The following EPN3 variants were observed in gnomAD, a reference collection of about 807,000 sequenced individuals.
EPN3 encodes the protein epsin 3.
Under a neutral mutation model 55.5 loss-of-function variants are expected in EPN3, and 56 were observed. The ratio of observed to expected loss-of-function variants is 1.01; its 90% CI spans 0.81 to 1.26. The LOEUF (loss-of-function observed/expected upper bound fraction) is 1.26. Among genes scored for constraint, EPN3 ranks in the 50% most tolerant of loss-of-function variants. The probability of loss-of-function intolerance (pLI) is 0.00; values close to 1 mark genes in which losing one functional copy is unlikely to be tolerated. For synonymous variants in EPN3, 449 were observed against 375.2 expected, an observed-to-expected ratio of 1.20 and a Z score of -2.27; for missense variants, 927 against 853.4, an observed-to-expected ratio of 1.09 and a Z score of -1.07.
intron 1 of EPN3, among the ~76,000 whole-genome samples, chr17:50,534,978 T>C (rs543683212): frequency 1.4e-4 from 21 of 152,100 alleles, no homozygotes; most frequent in African/African-American, 2.4e-4. Context: ...TGTGTGTGCA[T>C]GCACACACCA....
chr17:50,541,229 G>C lies in EPN3; in HGVS notation c.1250G>C (p.Gly417Ala). Reference sequence around the variant, plus strand: ...CTCCTCTTCCTCTCTCTCTTCCGAGGTGGTGCCTCGACCTTTGACCCATTT... The same window carrying C: ...CTCCTCTTCCTCTCTCTCTTCCGAGCTGGTGCCTCGACCTTTGACCCATTT... ...GASLETSDTP[G>A]GASTFDPFAK... The change falls in exon 8 of 10, where the codon GGT (glycine) becomes GCT (alanine). Residue 417 changes from glycine to alanine, a missense_variant and splice_region_variant. By Grantham distance (60) the Gly-to-Ala change is moderately conservative (BLOSUM62 0). Transcript: ENST00000268933. 13 of 1,613,724 alleles carry C rather than the reference G, an allele frequency of 8.1e-6. No homozygotes were observed. Among genetic ancestry groups the C allele is most frequent in the Non-Finnish European group, 1.1e-5 (13 of 1,180,022 alleles).
At chr17:50,538,313 A>T in intron 3 of EPN3, 116 bp downstream of exon 3, 1 of 760,068 alleles carries the variant, frequency 1.3e-6, no homozygotes, top group South Asian at 1.7e-5. Flanking sequence ...TCCTGTGCCC[A>T]AGGACAGCAC....
intron 1 of EPN3, 30 bp from the exon 2 acceptor site, chr17:50,536,391 C>T (rs1434505117): frequency 6.9e-7 from 1 of 1,450,782 alleles, no homozygotes; most frequent in Non-Finnish European, 9.0e-7. Flanking sequence ...TAGGCCTCTG[C>T]CCCTGAGTTC....
In EPN3 at chr17:50,539,322, A is replaced by T. The variant is rs749119541; in HGVS notation, c.891+7A>T. The stretch of plus-strand genomic sequence containing the variant: ...GAAGCTAAAAACCAGCCAGGTAGGG[A>T]GTGGGCTGCGGTGCTTGGGATGGAC... On this transcript the variant is annotated splice_region_variant and intron_variant, in intron 5 of 9. Transcript: ENST00000268933. 2.5e-6 allele frequency: 4 copies of T among 1,613,836 alleles called. No individual in the cohort carries two copies. Among genetic ancestry groups the T allele is most frequent in the Non-Finnish European group, 3.4e-6 (4 of 1,179,946 alleles).
chr17:50,534,624 G>A (rs973892402), intron 1 of EPN3: 16 of 985,384 alleles, frequency 1.6e-5, no homozygotes, highest in African/African-American at 1.2e-4. Flanking sequence ...CCCACGACCC[G>A]CTGGAAGGAA....
chr17:50,541,828 C>T lies in EPN3; in HGVS notation c.1586-16C>T. Reference sequence around the variant, plus strand: ...CTCTGAACCCCGGGTCACTCAAAGCCACTCTCGTTCTGCAGGTCTCAGCGC... The same window carrying T: ...CTCTGAACCCCGGGTCACTCAAAGCTACTCTCGTTCTGCAGGTCTCAGCGC... On this transcript the variant is annotated splice_polypyrimidine_tract_variant and intron_variant, in intron 9 of 9. Transcript: ENST00000268933. 10 of 1,611,020 alleles carry T rather than the reference C, an allele frequency of 6.2e-6. No individual in the cohort carries two copies. The highest frequency in any genetic ancestry group is 7.6e-6 in the Non-Finnish European group (9 of 1,179,942).
intron 4 of EPN3, 81 bp downstream of exon 4, chr17:50,539,045 C>G (rs371377943): frequency 6.5e-7 from 1 of 1,528,034 alleles, no homozygotes; most frequent in African/African-American, 1.4e-5. Flanking sequence ...AGCCTCCTCC[C>G]GCTGTACCCG....
At chr17:50,534,821 G>A (rs2034735120) in intron 1 of EPN3, among the ~76,000 whole-genome samples, 2 of 152,310 alleles carry the variant, frequency 1.3e-5, no homozygotes, top group African/African-American at 4.8e-5. Flanking sequence ...AATCGGGTGC[G>A]AGAGGACAGT....
chr17:50,541,541 A>T lies in EPN3; in HGVS notation c.1432A>T (p.Ile478Leu). 1.2e-6 allele frequency: 2 copies of T among 1,614,188 alleles called. No individual in the cohort carries two copies. The highest frequency in any genetic ancestry group is 2.2e-5 in the South Asian group (2 of 91,084). The change falls in exon 9 of 10, where the codon ATA (isoleucine) becomes TTA (leucine). Residue 478 changes from isoleucine to leucine, a missense_variant. By Grantham distance (5) the Ile-to-Leu change is conservative. Transcript: ENST00000268933. Reference protein sequence around the residue: ...TKEPDALDLGILGEALTQPSK... With the variant: ...TKEPDALDLGLLGEALTQPSK... ...GGAGCCAGATGCCCTGGACCTGGGC[A>T]TACTAGGGGAAGCACTAACCCAGCC...
Position 50,540,349 on chromosome 17 carries a change from C to G in EPN3, c.979+15C>G. The G allele has an allele frequency of 6.2e-7, 1 of 1,601,508 alleles. No homozygotes were observed. Among genetic ancestry groups the G allele is most frequent in the Non-Finnish European group, 8.5e-7 (1 of 1,175,006 alleles). On this transcript the variant is annotated intron_variant, in intron 6 of 9. Transcript: ENST00000268933. ...GGACATCCCAGGTGGGCATGCAGGG[C>G]TGCAAGAGACTTCCAGGCTGGCCCA... is the stretch of plus-strand genomic sequence containing the variant.
chr17:50,541,100 G>A (rs755160233), intron 7 of EPN3, 38 bp downstream of exon 7: 1 of 1,569,852 alleles, frequency 6.4e-7, no homozygotes, highest in East Asian at 2.2e-5. Context: ...GAGGAGCTGG[G>A]GGACTTCCAG....
chr17:50,532,925 C>G lies in EPN3; in HGVS notation c.-197C>G. On this transcript the variant is annotated 5_prime_UTR_variant, in exon 1 of 10. Coordinates refer to ENST00000268933, the MANE Select transcript of EPN3 (RefSeq NM_017957.3). ...TGTGCCGTCCCGCTGCTGCACAGGT[C>G]GGAGGGTCACCGCAGAGGCTACTCG... The G allele has an allele frequency of 7.8e-7, 1 of 1,286,076 alleles. No homozygotes were observed. Among genetic ancestry groups the G allele is most frequent in the Non-Finnish European group, 1.0e-6 (1 of 987,640 alleles). 79.7% of individuals were successfully genotyped at this position (1,286,076 alleles called of 1,614,324 possible). A position where few individuals can be genotyped will look rare whatever the true frequency, so the allele number is the denominator to read the frequency against.
chr17:50,536,322 G>A, intron 1 of EPN3, 99 bp from the exon 2 acceptor site: 1 of 976,812 alleles, frequency 1.0e-6, no homozygotes, highest in Non-Finnish European at 1.4e-6. Context: ...TGTCCCTGGA[G>A]GCAGGGACAC....
chr17:50,541,385 G>C (rs988882061), intron 8 of EPN3, 52 bp downstream of exon 8: 1 of 1,606,334 alleles, frequency 6.2e-7, no homozygotes, highest in South Asian at 1.1e-5. Flanking sequence ...GGCCCACCCC[G>C]AGCAGCCTCT....
chr17:50,533,573 T>TC, intron 1 of EPN3, among the ~76,000 whole-genome samples: 1 of 152,162 alleles, frequency 6.6e-6, no homozygotes, highest in Non-Finnish European at 1.5e-5. Flanking sequence ...CTGGGTTCTC[T>TC]CCATCTCTCC....
Position 50,541,285 on chromosome 17 carries a change from G to A in EPN3, c.1306G>A (p.Glu436Lys). ...ACCTCCAGAATCCACAGAGACCAAG[G>A]AGGGGCTGGAGCAGGCCCTGCCCTC... ...AKPPESTETKEGLEQALPSGK... is the reference protein window; with the variant it reads ...AKPPESTETKKGLEQALPSGK... Residue 436 changes from glutamate to lysine, a missense_variant, in exon 8 of 10, where the codon GAG becomes AAG. Glu to Lys is a moderately conservative substitution (Grantham distance 56). Coordinates refer to ENST00000268933, the MANE Select transcript of EPN3 (RefSeq NM_017957.3). The A allele has an allele frequency of 6.2e-7, 1 of 1,613,406 alleles. No homozygotes were observed. The highest frequency in any genetic ancestry group is 8.5e-7 in the Non-Finnish European group (1 of 1,180,012).
rs767385107 is a variant in EPN3 at position 50,540,883 on chromosome 17, G to A, written c.1070G>A (p.Arg357Gln). The change falls in exon 7 of 10, where the codon CGA becomes CAA. Residue 357 changes from arginine to glutamine, a missense_variant. Transcript: ENST00000268933. ...SPIPSGTVLS[R>Q]SQPWDLTPML... ...ATCCCCTCAGGAACCGTCCTGTCCC[G>A]AAGCCAGCCCTGGGATCTGACTCCC... 13 of 1,614,138 alleles carry A rather than the reference G, an allele frequency of 8.1e-6. No homozygotes were observed. Among genetic ancestry groups the A allele is most frequent in the Middle Eastern group, 1.6e-4 (1 of 6,062 alleles).
chr17:50,541,513 G>A lies in EPN3; in HGVS notation c.1404G>A (p.Thr468=), dbSNP rs754162270. Residue 468 remains threonine, a synonymous_variant, in exon 9 of 10, where the codon ACG becomes ACA. Coordinates refer to ENST00000268933, the MANE Select transcript of EPN3 (RefSeq NM_017957.3). ...DPSPSSKQNG[T]KEPDALDLGI... ...GCCCCAGTTCCAAGCAAAATGGCAC[G>A]AAGGAGCCAGATGCCCTGGACCTGG... The A allele has an allele frequency of 6.2e-7, 1 of 1,614,126 alleles. No individual in the cohort carries two copies. The highest frequency in any genetic ancestry group is 8.5e-7 in the Non-Finnish European group (1 of 1,180,016).
intron 1 of EPN3, among the ~76,000 whole-genome samples, chr17:50,533,329 A>T (rs760528560): frequency 6.6e-6 from 1 of 151,724 alleles, no homozygotes; most frequent in Non-Finnish European, 1.5e-5. Context: ...CCCCTCCCCC[A>T]TCTTCTGTGC....
Sources: allele counts gnomAD v4.1 joint callset (sites outside exome capture counted in the v4.1 genomes callset), GRCh38; gene constraint gnomAD v4.1.1; transcripts MANE v1.5; gene names NCBI Gene and HGNC (gene_info 2026-07-23, HGNC 2026-07-21).